STIM1: variants seen among roughly 807,000 people sequenced by gnomAD.
The protein encoded by STIM1 is stromal interaction molecule 1.
A neutral mutation model predicts 74.7 loss-of-function variants in STIM1; 25 were observed. The observed-to-expected ratio is 0.33, with a 90% CI of 0.24 to 0.47. The LOEUF (loss-of-function observed/expected upper bound fraction) is 0.47, where lower values mean the gene tolerates loss of function less well. Ranked by LOEUF, STIM1 falls within the 20% of genes least tolerant of loss-of-function variation. The pLI is 1.00. For missense variants in STIM1, 728 were observed against 920.8 expected (o/e 0.79, Z 2.71); for synonymous variants, 328 against 348.8 (o/e 0.94, Z 0.66).
intron 2 of STIM1, 75 bp downstream of exon 2, chr11:3,967,757 T>A: frequency 6.3e-7 from 1 of 1,599,208 alleles, no homozygotes; most frequent in Non-Finnish European, 8.6e-7. Flanking sequence ...TTAGACAGCC[T>A]CTTCCCTGGG....
chr11:3,919,864 G>C (rs1439984695), intron 1 of STIM1, among the ~76,000 whole-genome samples: 1 of 152,124 alleles, frequency 6.6e-6, no homozygotes, highest in African/African-American at 2.4e-5. Flanking sequence ...GATCCCTTTA[G>C]TCCAAGGGTT....
At chr11:3,875,690 C>T (rs979029909) in intron 1 of STIM1, among the ~76,000 whole-genome samples, 2 of 150,984 alleles carry the variant, frequency 1.3e-5, no homozygotes, top group African/African-American at 4.9e-5. Flanking sequence ...CATGCCACTG[C>T]ACTCCAGCCT....
chr11:3,895,890 C>T (rs1392902859), intron 1 of STIM1, among the ~76,000 whole-genome samples: 15 of 120,764 alleles, frequency 1.2e-4, no homozygotes, highest in Admixed American at 3.5e-4. Flanking sequence ...TCTTTCTTTT[C>T]TTTCTTTCTT....
At chr11:4,024,490 TTAAG>T (rs2093983034) in intron 3 of STIM1, among the ~76,000 whole-genome samples, 1 of 152,230 alleles carries the variant, frequency 6.6e-6, no homozygotes, top group Non-Finnish European at 1.5e-5. Context: ...TTTTTCCAGG[TTAAG>T]TAGCCCTACT....
At chr11:4,040,154 C>T (rs1294121868) in intron 3 of STIM1, among the ~76,000 whole-genome samples, 1 of 152,132 alleles carries the variant, frequency 6.6e-6, no homozygotes, top group Non-Finnish European at 1.5e-5. Context: ...GTGGTATTGG[C>T]CCTAGAAGGT....
intron 3 of STIM1, among the ~76,000 whole-genome samples, chr11:4,031,754 A>G (rs2094052235): frequency 6.6e-6 from 1 of 151,900 alleles, no homozygotes; most frequent in African/African-American, 2.4e-5. Context: ...AGAATTCTTT[A>G]TATATTCTCC....
At chr11:4,010,067 G>A (rs2093821152) in intron 2 of STIM1, among the ~76,000 whole-genome samples, 1 of 152,004 alleles carries the variant, frequency 6.6e-6, no homozygotes, top group Non-Finnish European at 1.5e-5. Context: ...CTTCCACCTC[G>A]GCCTCCCAAA....
chr11:4,005,105 A>T (rs1396157937), intron 2 of STIM1, among the ~76,000 whole-genome samples: 1 of 152,222 alleles, frequency 6.6e-6, no homozygotes, highest in African/African-American at 2.4e-5. Flanking sequence ...GAGGATGTGG[A>T]ATAATAGGAA....
rs2289570 is a variant in STIM1 at position 4,083,515 on chromosome 11, C to G, written c.1474+17C>G. The G allele has an allele frequency of 0.9, 1,442,995 of 1,605,604 alleles. 653,889 individuals are homozygous for G. Among genetic ancestry groups the G allele is most frequent in the East Asian group, 0.96 (42,719 of 44,532 alleles). ...CCATGCAGTGTAGGTGACCTCTTTGCGGGGATGAAGGAAGGAGCCTTTGAT... is the reference window on the plus strand; with the variant it reads ...CCATGCAGTGTAGGTGACCTCTTTGGGGGGATGAAGGAAGGAGCCTTTGAT... On this transcript the variant is annotated intron_variant, in intron 10 of 12. Transcript: ENST00000526596.
At chr11:3,957,548 C>T (rs1359254128) in intron 1 of STIM1, among the ~76,000 whole-genome samples, 6 of 151,762 alleles carry the variant, frequency 4.0e-5, no homozygotes, top group East Asian at 3.9e-4. Flanking sequence ...TGAGCCACTG[C>T]GCCTGGCCTA....
intron 12 of STIM1, chr11:4,088,748 T>A: frequency 6.5e-7 from 1 of 1,535,708 alleles, no homozygotes; most frequent in Non-Finnish European, 8.7e-7. Context: ...GGTCAGTAGC[T>A]TGGGATGGGA....
At position 4,055,539 on chromosome 11, in the gene STIM1, C is replaced by G; in HGVS notation, c.399C>G (p.Thr133=). The G allele has an allele frequency of 6.3e-7, 1 of 1,598,006 alleles. No homozygotes were observed. The highest frequency in any genetic ancestry group is 8.5e-7 in the Non-Finnish European group (1 of 1,172,964). ...CTCTTTTCACAGTATACAATTGGAC[C>G]GTGGATGAGGTGGTACAGTGGCTGA... ...AWKSSEVYNW[T]VDEVVQWLIT... The change falls in exon 4 of 13, where the codon ACC becomes ACG. Residue 133 remains threonine (T), a synonymous_variant. Coordinates refer to ENST00000526596, the MANE Select transcript of STIM1 (RefSeq NM_001382567.1).
intron 7 of STIM1, among the ~76,000 whole-genome samples, chr11:4,079,087 C>T (rs187304873): frequency 6.6e-6 from 1 of 151,584 alleles, no homozygotes; most frequent in East Asian, 1.9e-4. Context: ...GTCAGGAGAT[C>T]GAGATCATCC....
Position 4,084,757 on chromosome 11 carries a change from A to C in STIM1, c.1559A>C (p.Lys520Thr). Residue 520 changes from lysine (K) to threonine (T), a missense_variant, in exon 11 of 13, where the codon AAA (lysine) becomes ACA (threonine). This residue lies in a region of STIM1 where 352 missense variants were observed against 370.1 expected (regional missense o/e 0.95). Transcript: ENST00000526596. ...GGCTCGGATGATCAGTCCCTCTGGA[A>C]ATACCCCGGTTTGAGGAGCCCCTTT... ...SAGSDDQSLW[K>T]YPAPSLQSSV... The C allele has an allele frequency of 1.0e-5, 13 of 1,289,406 alleles. No individual in the cohort carries two copies. The highest frequency in any genetic ancestry group is 1.3e-5 in the Non-Finnish European group (13 of 988,876). The allele number at this position is 1,289,406 out of a possible 1,614,324, so 79.9% of individuals were successfully genotyped here. A position where few individuals can be genotyped will look rare whatever the true frequency, so the allele number is the denominator to read the frequency against.
intron 2 of STIM1, among the ~76,000 whole-genome samples, chr11:3,972,628 ACAGT>A (rs2093407324): frequency 6.6e-6 from 1 of 151,392 alleles, no homozygotes; most frequent in Non-Finnish European, 1.5e-5. Flanking sequence ...AGTCACAAAC[ACAGT>A]CCTACTTTTT....
rs1246143538 is a variant in STIM1, at chr11:3,991,169, C to CTT, written c.270+23505_270+23506dup. ...ATATGTACCACATTTTCTTTCCTTT[C>CTT]TTTTTTTTTTTTTTTTTTTGAGTCA... On this transcript the variant is annotated intron_variant, in intron 2 of 12. Coordinates refer to ENST00000526596, the MANE Select transcript of STIM1 (RefSeq NM_001382567.1). Among the ~76,000 whole-genome samples the CTT allele has an allele frequency of 2.4e-3, 303 of 124,182 alleles. 3 individuals are homozygous for CTT. Among genetic ancestry groups the CTT allele is most frequent in the East Asian group, 3.0e-3 (13 of 4,284 alleles). 81.5% of individuals were successfully genotyped at this position (124,182 alleles called of 152,430 possible).
intron 1 of STIM1, among the ~76,000 whole-genome samples, chr11:3,863,743 A>G (rs1486007104): frequency 6.6e-6 from 1 of 152,086 alleles, no homozygotes; most frequent in African/African-American, 2.4e-5. Flanking sequence ...CTTAGTAGCC[A>G]TCTTAGGGAT....
At chr11:3,953,800 T>TTTA (rs2093179096) in intron 1 of STIM1, among the ~76,000 whole-genome samples, 1 of 150,228 alleles carries the variant, frequency 6.7e-6, no homozygotes, top group South Asian at 2.1e-4. Flanking sequence ...TTTTTTTTTT[T>TTTA]GAGACAGGGT....
At chr11:3,934,795 T>A (rs2092913513) in intron 1 of STIM1, among the ~76,000 whole-genome samples, 1 of 152,202 alleles carries the variant, frequency 6.6e-6, no homozygotes, top group South Asian at 2.1e-4. Context: ...AGTAGCTGAC[T>A]TTGAGAGAGA....
Sources: gnomAD v4.1 joint callset for allele counts (sites outside exome capture counted in the v4.1 genomes callset) on GRCh38, gnomAD v4.1.1 for gene constraint, gnomAD v4.1.1 regional missense constraint, MANE v1.5 for transcripts, NCBI Gene and HGNC (gene_info 2026-07-23, HGNC 2026-07-21) for gene names.